The following PPP2R2C variants were observed in gnomAD, a reference collection of about 807,000 sequenced individuals.
PPP2R2C encodes the protein protein phosphatase 2, regulatory subunit B, gamma.
In PPP2R2C, 10 loss-of-function variants were observed where a neutral mutation model predicts 45.3. That is an observed-to-expected ratio of 0.22 (90% CI 0.14 to 0.37). The LOEUF (loss-of-function observed/expected upper bound fraction) is 0.37, where lower values mean the gene tolerates loss of function less well. PPP2R2C is among the 10% of genes least tolerant of loss of function. PPP2R2C has a pLI of 1.00. For missense variants in PPP2R2C, 308 were observed against 619.7 expected (o/e 0.50, Z 5.34); for synonymous variants, 257 against 245.4 (o/e 1.05, Z -0.44).
chr4:6,536,115 G>A (rs1724604218), intron 1 of PPP2R2C, among the ~76,000 whole-genome samples: 1 of 152,172 alleles, frequency 6.6e-6, no homozygotes, highest in Non-Finnish European at 1.5e-5. Flanking sequence ...GAAGGGATGA[G>A]GGTTAGGTAA....
intron 2 of PPP2R2C, among the ~76,000 whole-genome samples, chr4:6,489,952 C>T (rs1234538887): frequency 6.6e-6 from 1 of 152,204 alleles, no homozygotes; most frequent in Non-Finnish European, 1.5e-5. Context: ...AATCCCTCCC[C>T]TAGGCCAGCC....
At chr4:6,553,971 G>GCCTTCCTT (rs938596396) in intron 1 of PPP2R2C, among the ~76,000 whole-genome samples, 1 of 152,252 alleles carries the variant, frequency 6.6e-6, no homozygotes, top group South Asian at 2.1e-4. Context: ...CCTGATGGAA[G>GCCTTCCTT]CCTTCCTTCT....
chr4:6,455,990 G>C (rs560688798), intron 1 of PPP2R2C, among the ~76,000 whole-genome samples: 1 of 139,460 alleles, frequency 7.2e-6, no homozygotes, highest in East Asian at 2.0e-4. Context: ...AGAAATCCTG[G>C]GGGGGGGGAG....
chr4:6,400,606 G>T (rs755799699), intron 1 of PPP2R2C, among the ~76,000 whole-genome samples: 2 of 152,174 alleles, frequency 1.3e-5, no homozygotes, highest in African/African-American at 4.8e-5. Flanking sequence ...ATCTACTAAG[G>T]CATCTATTGA....
At chr4:6,448,341 C>T (rs1193919886) in intron 1 of PPP2R2C, among the ~76,000 whole-genome samples, 1 of 152,098 alleles carries the variant, frequency 6.6e-6, no homozygotes, top group Non-Finnish European at 1.5e-5. Context: ...AGGTGGATCC[C>T]TTGGAGGTCA....
chr4:6,481,702 G>A (rs1205380535), intron 2 of PPP2R2C, among the ~76,000 whole-genome samples: 6 of 151,638 alleles, frequency 4.0e-5, no homozygotes, highest in South Asian at 2.1e-4. Flanking sequence ...GTTGGGGCCC[G>A]GCATGGTAAC....
chr4:6,347,492 G>A (rs1397466684), intron 6 of PPP2R2C, among the ~76,000 whole-genome samples: 1 of 152,134 alleles, frequency 6.6e-6, no homozygotes, highest in Non-Finnish European at 1.5e-5. Context: ...GGGCTGCAGG[G>A]CCACAGAGGA....
chr4:6,498,108 G>T (rs1158614112), intron 2 of PPP2R2C, among the ~76,000 whole-genome samples: 2 of 152,142 alleles, frequency 1.3e-5, no homozygotes, highest in African/African-American at 4.8e-5. Flanking sequence ...CCAAATCTTG[G>T]GAGACACGAT....
chr4:6,482,581 A>C (rs891946849), intron 2 of PPP2R2C, among the ~76,000 whole-genome samples: 1 of 152,196 alleles, frequency 6.6e-6, no homozygotes, highest in East Asian at 1.9e-4. Context: ...TGATTTCACT[A>C]TGTTGTCCTG....
chr4:6,419,024 G>A (rs371784729), intron 1 of PPP2R2C, among the ~76,000 whole-genome samples: 7 of 152,188 alleles, frequency 4.6e-5, no homozygotes, highest in African/African-American at 1.7e-4. Context: ...ACTCAGCTTC[G>A]CATGCGGTGA....
chr4:6,399,145 A>G (rs1312238117), intron 1 of PPP2R2C, among the ~76,000 whole-genome samples: 1 of 152,230 alleles, frequency 6.6e-6, no homozygotes, highest in African/African-American at 2.4e-5. Context: ...GGTGAAGGCC[A>G]TGCTCCAAAT....
rs536534042 is a variant in PPP2R2C, at chr4:6,488,678, T to C, written c.49+46593A>G. Among the ~76,000 whole-genome samples the C allele has an allele frequency of 5.9e-5, 7 of 117,892 alleles. No individual in the cohort carries two copies. In the South Asian group the frequency reaches 1.7e-3, roughly 29 times the overall value. The allele number at this position is 117,892 out of a possible 152,430, so 77.3% of individuals were successfully genotyped here. A position where few individuals can be genotyped will look rare whatever the true frequency, so the allele number is the denominator to read the frequency against. ...TAGCCTGGGTGACAGAGCAAAACCC[T>C]GTCTAAAAAAACAAAAATGAAACAG... On this transcript the variant is annotated intron_variant, in intron 2 of 9. Transcript: ENST00000506140.
In PPP2R2C at chr4:6,355,041, T is replaced by C. The variant is rs79240917; in HGVS notation, c.626-7031A>G. ...ACATTTATTTTACCTTGTTTAATTA[T>C]AGATTTTCTGCTTTCTCTTTTTGCA... On this transcript the variant is annotated intron_variant, in intron 5 of 8. Coordinates refer to ENST00000382599, the MANE Select transcript of PPP2R2C (RefSeq NM_020416.4). 8.4e-3 allele frequency among the ~76,000 whole-genome samples: 1,285 copies of C among 152,338 alleles called. 12 individuals carry two copies. The highest frequency in any genetic ancestry group is 0.029 in the African/African-American group (1,205 of 41,572).
chr4:6,553,388 G>C (rs1461281432), intron 1 of PPP2R2C, among the ~76,000 whole-genome samples: 6 of 152,250 alleles, frequency 3.9e-5, no homozygotes, highest in Non-Finnish European at 5.9e-5. Context: ...GCAGTCCACT[G>C]TGGCCACTCA....
rs150891343 is a variant in PPP2R2C at position 6,350,308 on chromosome 4, T to C, written c.626-2298A>G. ...GGACACGCTGCCCGCTCGGAGCAGC[T>C]CTCAGGTCCTTACTGAACTTCACTA... On this transcript the variant is annotated intron_variant, in intron 5 of 8. Coordinates refer to ENST00000382599, the MANE Select transcript of PPP2R2C (RefSeq NM_020416.4). 2.3e-3 allele frequency: 2,261 copies of C among 985,468 alleles called. 45 individuals carry two copies. The African/African-American group carries it at 0.034, about 15-fold the overall frequency. 61.0% of individuals were successfully genotyped at this position (985,468 alleles called of 1,614,324 possible). A position where few individuals can be genotyped will look rare whatever the true frequency, so the allele number is the denominator to read the frequency against.
rs181864276 is a variant in PPP2R2C, at chr4:6,492,777, T to G, written c.49+42494A>C. On this transcript the variant is annotated intron_variant, in intron 2 of 9. Coordinates refer to the PPP2R2C transcript ENST00000506140. ...ACACCACAGAGAGGAGACCTGGGGT[T>G]TGGAGAACACACAGCAATGACACAG... 2.6e-3 allele frequency among the ~76,000 whole-genome samples: 388 copies of G among 152,092 alleles called. 2 individuals are homozygous for G. Among genetic ancestry groups the G allele is most frequent in the African/African-American group, 8.7e-3 (359 of 41,494 alleles).
rs778958655 is a variant in PPP2R2C at position 6,420,851 on chromosome 4, C to T, written c.71-39757G>A. ...GGCTGGGACATGCCAGTGCCCAGGT[C>T]TGTGCTGGCACACACACTTGTTGGA... is the stretch of plus-strand genomic sequence containing the variant. On this transcript the variant is annotated intron_variant, in intron 1 of 8. Coordinates refer to ENST00000382599, the MANE Select transcript of PPP2R2C (RefSeq NM_020416.4). 9 of 800,768 alleles carry T rather than the reference C, an allele frequency of 1.1e-5. No homozygotes were observed. In the African/African-American group the frequency reaches 1.5e-4, roughly 13 times the overall value. The allele number at this position is 800,768 out of a possible 1,614,324, so 49.6% of individuals were successfully genotyped here.
chr4:6,519,378 G>T (rs1166898504), intron 2 of PPP2R2C, among the ~76,000 whole-genome samples: 1 of 152,166 alleles, frequency 6.6e-6, no homozygotes, highest in East Asian at 1.9e-4. Context: ...ACAGAGCCAG[G>T]CCCCATGCTT....
chr4:6,458,500 C>T (rs1721161860), intron 1 of PPP2R2C, among the ~76,000 whole-genome samples: 2 of 152,218 alleles, frequency 1.3e-5, no homozygotes, highest in African/African-American at 4.8e-5. Context: ...GCTCCACCCT[C>T]ACAACCTCAT....
Sources: allele counts gnomAD v4.1 joint callset (sites outside exome capture counted in the v4.1 genomes callset), GRCh38; gene constraint gnomAD v4.1.1; transcripts MANE v1.5; gene names NCBI Gene and HGNC (gene_info 2026-07-23, HGNC 2026-07-21).